Variants in STAT3 observed in about 807,000 individuals in gnomAD.
STAT3 encodes signal transducer and activator of transcription 3.
STAT3 carries 7 observed loss-of-function variants against 114.3 expected under a neutral mutation model. The ratio of observed to expected loss-of-function variants is 0.06; its 90% CI spans 0.03 to 0.11. The LOEUF (loss-of-function observed/expected upper bound fraction) is 0.11. Ranked by LOEUF, STAT3 falls within the 10% of genes least tolerant of loss-of-function variation. The pLI is 1.00. For missense variants in STAT3, 364 were observed against 960.9 expected (o/e 0.38, Z 8.21); for synonymous variants, 331 against 354.5 (o/e 0.93, Z 0.74).
Position 42,376,997 on chromosome 17 carries a change from G to A in STAT3, c.-24+11282C>T, listed in dbSNP as rs1443516007. On this transcript the variant is annotated intron_variant, in intron 1 of 23. Coordinates refer to ENST00000264657, the MANE Select transcript of STAT3 (RefSeq NM_139276.3). ...AACTAAAAAGCCACATTTCCAAATA[G>A]TATACATATTACGATTAAAACATTA... Among the ~76,000 whole-genome samples, 6 of 152,306 alleles carry A rather than the reference G, an allele frequency of 3.9e-5. No homozygotes were observed. In the South Asian group the frequency reaches 1.2e-3, roughly 32 times the overall value.
At chr17:42,364,997 C>T (rs2083701826) in intron 1 of STAT3, among the ~76,000 whole-genome samples, 2 of 152,140 alleles carry the variant, frequency 1.3e-5, no homozygotes, top group Non-Finnish European at 1.5e-5. Context: ...GTCAAAGGAA[C>T]TATGAACTTT....
At chr17:42,334,970 AG>A (rs1173841989) in intron 8 of STAT3, among the ~76,000 whole-genome samples, 1 of 152,214 alleles carries the variant, frequency 6.6e-6, no homozygotes, top group African/African-American at 2.4e-5. Context: ...ATAAAGACTC[AG>A]AAAAAGAGAT....
At chr17:42,375,550 C>A (rs1330149583) in intron 1 of STAT3, among the ~76,000 whole-genome samples, 1 of 152,020 alleles carries the variant, frequency 6.6e-6, no homozygotes, top group Non-Finnish European at 1.5e-5. Flanking sequence ...ATAAGCAAAC[C>A]GGGTCAGGTG....
In STAT3 at chr17:42,388,394, C is replaced by T. The variant is rs17883843; in HGVS notation, c.-139G>A. 9.0e-5 allele frequency: 111 copies of T among 1,231,558 alleles called. No individual in the cohort carries two copies. The highest frequency in any genetic ancestry group is 1.1e-4 in the Non-Finnish European group (106 of 987,900). 76.3% of individuals were successfully genotyped at this position (1,231,558 alleles called of 1,614,324 possible). On this transcript the variant is annotated 5_prime_UTR_variant, in exon 1 of 24. Coordinates refer to ENST00000264657, the MANE Select transcript of STAT3 (RefSeq NM_139276.3). ...CCGAGGGGGAGAGACAGCGCCAAGC[C>T]GGGGTGCCTGTCCAGGATCCGGTTG...
chr17:42,325,761 G>A (rs1014255479), intron 15 of STAT3, among the ~76,000 whole-genome samples: 2 of 151,902 alleles, frequency 1.3e-5, no homozygotes, highest in African/African-American at 2.4e-5. Flanking sequence ...ACGGGGTTTC[G>A]TCATGTTGGC....
intron 1 of STAT3, among the ~76,000 whole-genome samples, chr17:42,362,175 T>C (rs1365594962): frequency 2.0e-5 from 3 of 152,332 alleles, no homozygotes; most frequent in East Asian, 1.9e-4. Context: ...TTCTATAAAT[T>C]ACTGTCAAGC....
chr17:42,326,050 A>C, intron 15 of STAT3, 66 bp downstream of exon 15: 1 of 1,359,696 alleles, frequency 7.4e-7, no homozygotes, highest in East Asian at 2.3e-5. Context: ...TAAAAATCCC[A>C]GTGGAAGTTT....
At chr17:42,386,409 T>C (rs1225364030) in intron 1 of STAT3, among the ~76,000 whole-genome samples, 2 of 152,212 alleles carry the variant, frequency 1.3e-5, no homozygotes, top group East Asian at 3.8e-4. Flanking sequence ...AATTTTCTTA[T>C]CTACGATATT....
At chr17:42,358,787 T>A (rs144651340) in intron 1 of STAT3, among the ~76,000 whole-genome samples, 2 of 152,244 alleles carry the variant, frequency 1.3e-5, no homozygotes, top group East Asian at 3.9e-4. Flanking sequence ...AACAGGGAAC[T>A]CTCTCTCCTT....
intron 1 of STAT3, among the ~76,000 whole-genome samples, chr17:42,381,731 CAA>C (rs398038044): frequency 2.9e-4 from 17 of 57,718 alleles, no homozygotes; most frequent in Admixed American, 4.2e-4. Flanking sequence ...GACTCCATCT[CAA>C]AAAAAAAAAA....
intron 8 of STAT3, among the ~76,000 whole-genome samples, chr17:42,336,268 G>A (rs2082225100): frequency 6.6e-6 from 1 of 152,132 alleles, no homozygotes. Context: ...TATGCTGGAT[G>A]AAGGTAAAAG....
chr17:42,351,129 C>CAAA (rs139529559), intron 1 of STAT3, among the ~76,000 whole-genome samples: 1 of 77,252 alleles, frequency 1.3e-5, no homozygotes, highest in Admixed American at 1.5e-4. Context: ...GACTCCATCT[C>CAAA]AAAAAAAAAA....
chr17:42,326,657 T>A (rs546235276), intron 14 of STAT3, among the ~76,000 whole-genome samples: 7 of 151,356 alleles, frequency 4.6e-5, no homozygotes, highest in African/African-American at 1.7e-4. Flanking sequence ...CCGTTTCTAC[T>A]AAGAATACAA....
chr17:42,374,693 T>C (rs2084358302), intron 1 of STAT3, among the ~76,000 whole-genome samples: 1 of 151,102 alleles, frequency 6.6e-6, no homozygotes, highest in African/African-American at 2.4e-5. Context: ...AAAGAGAACC[T>C]GAGGTGGCCA....
intron 4 of STAT3, among the ~76,000 whole-genome samples, chr17:42,341,123 T>G (rs2082426944): frequency 6.6e-6 from 1 of 152,132 alleles, no homozygotes; most frequent in Non-Finnish European, 1.5e-5. Flanking sequence ...CTTCATTCCT[T>G]TCTCATGTCT....
intron 1 of STAT3, among the ~76,000 whole-genome samples, chr17:42,350,292 G>C (rs17885278): frequency 0.022 from 3,410 of 152,196 alleles, 127 homozygotes; most frequent in African/African-American, 0.078. Context: ...AAAACCAGCA[G>C]GTCTTCTGTT....
chr17:42,330,323 T>C (rs1213705016), intron 11 of STAT3, among the ~76,000 whole-genome samples: 5 of 152,016 alleles, frequency 3.3e-5, no homozygotes, highest in Non-Finnish European at 5.9e-5. Flanking sequence ...TCCATGTTGG[T>C]CGGGCTGGTT....
At chr17:42,326,048 C>G in intron 15 of STAT3, 68 bp downstream of exon 15, 1 of 1,350,368 alleles carries the variant, frequency 7.4e-7, no homozygotes, top group East Asian at 2.3e-5. Flanking sequence ...TGTAAAAATC[C>G]CAGTGGAAGT....
rs2082260507 is a variant in STAT3 at position 42,337,123 on chromosome 17, G to C, written c.797+312C>G. 6.6e-6 allele frequency among the ~76,000 whole-genome samples: 1 copy of C among 151,972 alleles called. No homozygotes were observed. Among genetic ancestry groups the C allele is most frequent in the African/African-American group, 2.4e-5 (1 of 41,360 alleles). On this transcript the variant is annotated intron_variant, in intron 8 of 23. Coordinates refer to ENST00000264657, the MANE Select transcript of STAT3 (RefSeq NM_139276.3). The surrounding 1 kb of genome is among the most constrained non-coding windows in gnomAD (Gnocchi z 4.0). Reference sequence around the variant, plus strand: ...CCGCCCAGAGTAGCTGGGACTACAGGTGCGCACCACCACGCCCGGCTAATT... The same window carrying C: ...CCGCCCAGAGTAGCTGGGACTACAGCTGCGCACCACCACGCCCGGCTAATT...
Sources: allele counts gnomAD v4.1 joint callset (sites outside exome capture counted in the v4.1 genomes callset), GRCh38; gene constraint gnomAD v4.1.1; non-coding constraint Gnocchi (gnomAD v3.1); transcripts MANE v1.5; gene names NCBI Gene and HGNC (gene_info 2026-07-23, HGNC 2026-07-21).